PPFIBP2: variants seen among roughly 807,000 people sequenced by gnomAD.
PPFIBP2 encodes the protein PPFIB scaffold protein 2.
Under a neutral mutation model 118.3 loss-of-function variants are expected in PPFIBP2, and 118 were observed. The ratio of observed to expected loss-of-function variants is 1.00; its 90% CI spans 0.86 to 1.16. The LOEUF (loss-of-function observed/expected upper bound fraction) is 1.16, where lower values mean the gene tolerates loss of function less well. Among genes scored for constraint, PPFIBP2 ranks in the 50% most tolerant of loss-of-function variants. The pLI is 0.00. For synonymous variants in PPFIBP2, 414 were observed against 397.4 expected (o/e 1.04, Z -0.50); for missense variants, 1,195 against 1,073.1 (o/e 1.11, Z -1.59).
At chr11:7,577,300 C>T (rs1012011199) in intron 3 of PPFIBP2, 2 of 242,720 alleles carry the variant, frequency 8.2e-6, no homozygotes, top group Middle Eastern at 1.6e-3. Flanking sequence ...AGTCCTGGTG[C>T]GTGTGCGTGC....
chr11:7,520,268 G>T (rs879625497), intron 1 of PPFIBP2, among the ~76,000 whole-genome samples: 1 of 152,146 alleles, frequency 6.6e-6, no homozygotes, highest in South Asian at 2.1e-4. Context: ...TAGCTGCTAC[G>T]TGGTACCCAG....
chr11:7,656,163 G>T (rs1248023518), downstream of PPFIBP2, among the ~76,000 whole-genome samples: 1 of 152,208 alleles, frequency 6.6e-6, no homozygotes, highest in Non-Finnish European at 1.5e-5. Context: ...GCAGACTAGA[G>T]CTGGCAGGAA....
At chr11:7,662,822 T>C in the PPFIBP2 span, among the ~76,000 whole-genome samples, 11 of 151,738 alleles carry the variant, frequency 7.2e-5, no homozygotes, top group East Asian at 1.9e-3. Flanking sequence ...CATAGTCCCA[T>C]ATTTCTTGGA....
Position 7,642,371 on chromosome 11 carries a change from C to T in PPFIBP2, c.1591C>T (p.Arg531Trp), listed in dbSNP as rs1012410653. Residue 531 changes from arginine to tryptophan, a missense_variant, in exon 17 of 24, where the codon CGG becomes TGG. Transcript: ENST00000299492. ...GGCAGAGTTTCGACGAGGTGGGCTC[C>T]GGGCAACCGCAGGGCCAAGACTCTC... ...GMAEFRRGGLRATAGPRLSRT... is the reference protein window; with the variant it reads ...GMAEFRRGGLWATAGPRLSRT... The T allele has an allele frequency of 1.2e-5, 20 of 1,613,916 alleles. No individual in the cohort carries two copies. Among genetic ancestry groups the T allele is most frequent in the Admixed American group, 3.3e-5 (2 of 59,984 alleles).
At chr11:7,607,420 T>C (rs1847527782) in intron 5 of PPFIBP2, among the ~76,000 whole-genome samples, 1 of 151,332 alleles carries the variant, frequency 6.6e-6, no homozygotes, top group African/African-American at 2.4e-5. Flanking sequence ...AGGGTTCCAC[T>C]ATGTTGTCTA....
rs1276175469 is a variant in PPFIBP2 at position 7,649,242 on chromosome 11, ACTTTTT to A, written c.1998+12_1998+17del. On this transcript the variant is annotated splice_region_variant and intron_variant, in intron 20 of 23. Coordinates refer to ENST00000299492, the MANE Select transcript of PPFIBP2 (RefSeq NM_003621.5). Reference sequence around the variant, plus strand: ...GCTGCAATACCTAACTGTGGTGAGGACTTTTTCTTTAAATATTTCAGTTGTCCCTGT... The same window carrying A: ...GCTGCAATACCTAACTGTGGTGAGGACTTTAAATATTTCAGTTGTCCCTGT... 6.2e-7 allele frequency: 1 copy of A among 1,607,938 alleles called. No individual in the cohort carries two copies. Among genetic ancestry groups the A allele is most frequent in the Admixed American group, 1.7e-5 (1 of 59,842 alleles).
intron 1 of PPFIBP2, among the ~76,000 whole-genome samples, chr11:7,528,883 G>T (rs1374288891): frequency 6.6e-6 from 1 of 152,184 alleles, no homozygotes; most frequent in African/African-American, 2.4e-5. Flanking sequence ...GAGCAGGTCT[G>T]CCCAGGGCCC....
intron 1 of PPFIBP2, among the ~76,000 whole-genome samples, chr11:7,540,784 G>T (rs10839801): frequency 1.3e-5 from 2 of 152,004 alleles, no homozygotes; most frequent in African/African-American, 4.8e-5. Context: ...AGATGATCAG[G>T]GAGATCCCAT....
the PPFIBP2 span, among the ~76,000 whole-genome samples, chr11:7,663,789 C>G: frequency 6.6e-6 from 1 of 152,212 alleles, no homozygotes; most frequent in Non-Finnish European, 1.5e-5. Flanking sequence ...GCTGTGCTAG[C>G]AATCAGCGAG....
At chr11:7,620,152 T>C (rs190921799) in intron 6 of PPFIBP2, among the ~76,000 whole-genome samples, 1 of 152,290 alleles carries the variant, frequency 6.6e-6, no homozygotes, top group Admixed American at 6.5e-5. Context: ...AAATTGTTTG[T>C]GTCACTTCCC....
At chr11:7,551,034 TATATCTATAGATATAG>T (rs140249197) in intron 2 of PPFIBP2, among the ~76,000 whole-genome samples, 5,935 of 152,128 alleles carry the variant, frequency 0.039, 124 homozygotes, top group African/African-American at 0.066. Context: ...CCTTTATATC[TATATCTATAGATATAG>T]ATATCTATAG....
chr11:7,631,783 C>T (rs1850792981), intron 11 of PPFIBP2, among the ~76,000 whole-genome samples: 1 of 152,182 alleles, frequency 6.6e-6, no homozygotes, highest in South Asian at 2.1e-4. Flanking sequence ...CCCCAGATTG[C>T]TGGCAATTAC....
At chr11:7,665,071 C>A in the PPFIBP2 span, 64,703 of 211,972 alleles carry the variant, frequency 0.31, 11,634 homozygotes, top group Non-Finnish European at 0.39. Flanking sequence ...CTGCCTAGCA[C>A]GTCCCCCACA....
intron 5 of PPFIBP2, among the ~76,000 whole-genome samples, chr11:7,606,886 A>ATGTTTTTTT (rs1763557851): frequency 1.9e-5 from 1 of 51,352 alleles, no homozygotes; most frequent in Admixed American, 3.0e-4. Flanking sequence ...AACTGCATGA[A>ATGTTTTTTT]TTTTTTTTTT....
intron 1 of PPFIBP2, among the ~76,000 whole-genome samples, chr11:7,523,022 A>G (rs2134269945): frequency 6.6e-6 from 1 of 152,238 alleles, no homozygotes; most frequent in East Asian, 1.9e-4. Flanking sequence ...TACAGGGAAC[A>G]GCTAGCTAGG....
chr11:7,622,089 G>C (rs1389269410), intron 7 of PPFIBP2, among the ~76,000 whole-genome samples: 6 of 152,196 alleles, frequency 3.9e-5, no homozygotes, highest in Non-Finnish European at 8.8e-5. Context: ...ATAAAGAAGA[G>C]GTTTAATTGG....
At chr11:7,665,371 G>GTGTTTGTT in the PPFIBP2 span, 10 of 1,544,630 alleles carry the variant, frequency 6.5e-6, no homozygotes, top group Middle Eastern at 1.7e-4. Context: ...GCACGTGGAG[G>GTGTTTGTT]TGTTAGTAGG....
chr11:7,605,543 G>A (rs943870611), intron 5 of PPFIBP2, among the ~76,000 whole-genome samples: 7 of 152,164 alleles, frequency 4.6e-5, no homozygotes, highest in Non-Finnish European at 8.8e-5. Context: ...TGTGGAGAGT[G>A]GAATCACGAC....
intron 5 of PPFIBP2, among the ~76,000 whole-genome samples, chr11:7,607,378 T>TG (rs1445748576): frequency 5.3e-5 from 8 of 150,628 alleles, no homozygotes; most frequent in Non-Finnish European, 1.0e-4. Context: ...GGGTGCTAAT[T>TG]TTTTTTTTGC....
Sources: allele counts gnomAD v4.1 joint callset (sites outside exome capture counted in the v4.1 genomes callset), GRCh38; gene constraint gnomAD v4.1.1; transcripts MANE v1.5; gene names NCBI Gene and HGNC (gene_info 2026-07-23, HGNC 2026-07-21).